GGH: variants seen among roughly 807,000 people sequenced by gnomAD.
GGH encodes the protein gamma-Glu-X carboxypeptidase.
Under a neutral mutation model 39.2 loss-of-function variants are expected in GGH, and 18 were observed. That is an observed-to-expected ratio of 0.46 (90% CI 0.32 to 0.68). GGH has a LOEUF of 0.68. GGH is among the 30% of genes least tolerant of loss of function. GGH has a pLI of 0.04. For synonymous variants in GGH, 147 were observed against 138.8 expected (o/e 1.06, Z -0.42); for missense variants, 367 against 384.1 (o/e 0.96, Z 0.37).
intron 1 of GGH, 65 bp downstream of exon 1, chr8:63,038,595 G>A (rs1804956076): frequency 2.4e-6 from 2 of 826,906 alleles, no homozygotes; most frequent in African/African-American, 1.8e-5. Context: ...GCGCGGCGGC[G>A]GGAGGCGCCC....
At chr8:63,030,367 G>T (rs1804780221) in intron 2 of GGH, 150 bp from the exon 3 acceptor site, 2 of 548,764 alleles carry the variant, frequency 3.6e-6, no homozygotes, top group Non-Finnish European at 6.6e-6. Context: ...AGGCATTTTT[G>T]CAAACCACTT....
intron 2 of GGH, among the ~76,000 whole-genome samples, chr8:63,033,879 T>A (rs1163659431): frequency 2.0e-5 from 3 of 151,668 alleles, no homozygotes; most frequent in Non-Finnish European, 2.9e-5. Flanking sequence ...GGTATTTGGT[T>A]TTCTGTTTCT....
intron 1 of GGH, 105 bp from the exon 2 acceptor site, chr8:63,035,875 A>G: frequency 2.9e-6 from 3 of 1,023,410 alleles, no homozygotes; most frequent in Non-Finnish European, 1.4e-6. Context: ...TTCAATCCAC[A>G]GAATTAAATA....
intron 2 of GGH, among the ~76,000 whole-genome samples, chr8:63,032,327 C>T (rs1454707402): frequency 3.9e-5 from 6 of 152,174 alleles, no homozygotes; most frequent in Non-Finnish European, 7.3e-5. Flanking sequence ...TGAGCCACCG[C>T]GCCCAGCCTG....
At chr8:63,024,933 T>C (rs1804656984) in intron 5 of GGH, 1 of 152,174 alleles carries the variant, frequency 6.6e-6, no homozygotes, top group African/African-American at 2.4e-5. Context: ...TTTGCAATTA[T>C]TAAGTGAGAC....
At chr8:63,032,041 T>C (rs1804815678) in intron 2 of GGH, among the ~76,000 whole-genome samples, 1 of 152,112 alleles carries the variant, frequency 6.6e-6, no homozygotes, top group African/African-American at 2.4e-5. Context: ...TTGTGGTCTT[T>C]GGGGTTTTTT....
chr8:63,034,762 T>A (rs1489868958), intron 2 of GGH, among the ~76,000 whole-genome samples: 1 of 152,168 alleles, frequency 6.6e-6, no homozygotes, highest in Admixed American at 6.5e-5. Context: ...TTACAAACTT[T>A]TAAAGTAGAG....
chr8:63,028,785 A>G (rs1007795538), intron 3 of GGH, among the ~76,000 whole-genome samples: 3 of 152,190 alleles, frequency 2.0e-5, no homozygotes, highest in Non-Finnish European at 4.4e-5. Context: ...TGGACAGGCT[A>G]GCTCCCCAAA....
intron 8 of GGH, among the ~76,000 whole-genome samples, 198 bp from the exon 9 acceptor site, chr8:63,015,651 AAAAG>A (rs1804474244): frequency 6.6e-6 from 1 of 151,944 alleles, no homozygotes; most frequent in East Asian, 1.9e-4. Flanking sequence ...CAAAAAAAAA[AAAAG>A]AAGAAGAAGA....
chr8:63,034,013 A>ATATATATATAATTATATATATATATAATT (rs1563671089), intron 2 of GGH, among the ~76,000 whole-genome samples: 5 of 144,790 alleles, frequency 3.5e-5, no homozygotes, highest in African/African-American at 1.3e-4. Flanking sequence ...CTCTCCTTAT[A>ATATATATATAATTATATATATATATAATT]TATATATATA....
intron 1 of GGH, among the ~76,000 whole-genome samples, chr8:63,037,552 A>C (rs892588960): frequency 6.6e-6 from 1 of 152,180 alleles, no homozygotes; most frequent in South Asian, 2.1e-4. Context: ...TCATCTTTCA[A>C]TCCTTTGCAC....
intron 2 of GGH, among the ~76,000 whole-genome samples, chr8:63,034,056 A>G (rs1804856657): frequency 6.8e-6 from 1 of 147,598 alleles, no homozygotes; most frequent in Non-Finnish European, 1.5e-5. Context: ...ATTTTTATAT[A>G]TATCTCCCAT....
chr8:63,026,846 G>A (rs180833678), intron 4 of GGH, among the ~76,000 whole-genome samples: 2 of 149,506 alleles, frequency 1.3e-5, no homozygotes, highest in Middle Eastern at 3.4e-3. Flanking sequence ...TCAAGAAGAG[G>A]TGAGAATTAA....
chr8:63,024,470 G>C (rs188477140), intron 5 of GGH: 5 of 263,874 alleles, frequency 1.9e-5, no homozygotes, highest in Middle Eastern at 1.2e-3. Context: ...AACAGGCAGG[G>C]AATCTTAACT....
chr8:63,021,607 C>A (rs889451562), intron 7 of GGH, among the ~76,000 whole-genome samples: 1 of 151,380 alleles, frequency 6.6e-6, no homozygotes, highest in African/African-American at 2.4e-5. Context: ...CTTATCTCAC[C>A]AAGCCATAAG....
At chr8:63,026,923 A>C (rs1804695885) in intron 4 of GGH, 4 of 458,422 alleles carry the variant, frequency 8.7e-6, no homozygotes, top group Non-Finnish European at 1.5e-5. Context: ...TCTACACTAC[A>C]TGAGGACACG....
chr8:63,038,326 C>A (rs1428406498), intron 1 of GGH, among the ~76,000 whole-genome samples: 3 of 152,328 alleles, frequency 2.0e-5, no homozygotes, highest in Non-Finnish European at 4.4e-5. Flanking sequence ...AGTAAAACTT[C>A]CCAACTATGT....
intron 3 of GGH, among the ~76,000 whole-genome samples, chr8:63,027,655 C>T (rs76941604): frequency 0.12 from 18,805 of 151,990 alleles, 1,368 homozygotes; most frequent in East Asian, 0.34. Context: ...ATTGCAGGTC[C>T]ATAATTATGG....
chr8:63,034,358 T>C (rs1199631902), intron 2 of GGH, among the ~76,000 whole-genome samples: 1 of 152,164 alleles, frequency 6.6e-6, no homozygotes, highest in East Asian at 1.9e-4. Flanking sequence ...AGCCATTTTG[T>C]GGTACAATTC....
Sources: gnomAD v4.1 joint callset for allele counts (sites outside exome capture counted in the v4.1 genomes callset) on GRCh38, gnomAD v4.1.1 for gene constraint, MANE v1.5 for transcripts, NCBI Gene and HGNC (gene_info 2026-07-23, HGNC 2026-07-21) for gene names.